The following DDX50 variants were observed in gnomAD, a reference collection of about 807,000 sequenced individuals.
DDX50 encodes the protein ATP-dependent RNA helicase DDX50.
Under a neutral mutation model 94.8 loss-of-function variants are expected in DDX50, and 56 were observed. The observed-to-expected ratio is 0.59, with a 90% confidence interval of 0.48 to 0.74. The LOEUF (loss-of-function observed/expected upper bound fraction) is 0.74, where lower values mean the gene tolerates loss of function less well. Ranked by LOEUF, DDX50 falls within the 30% of genes least tolerant of loss-of-function variation. DDX50 has a pLI of 0.00. For synonymous variants in DDX50, 264 were observed against 295.4 expected (o/e 0.89, Z 1.09); for missense variants, 713 against 881.2 (o/e 0.81, Z 2.42).
chr10:68,937,468 C>CATACCCTAT (rs1564617189), intron 12 of DDX50, among the ~76,000 whole-genome samples: 2 of 151,992 alleles, frequency 1.3e-5, no homozygotes, highest in African/African-American at 4.8e-5. Flanking sequence ...TACATCCGTA[C>CATACCCTAT]ATACCATGTA....
chr10:68,937,537 T>C (rs193210514), intron 12 of DDX50, among the ~76,000 whole-genome samples: 16 of 152,194 alleles, frequency 1.1e-4, no homozygotes, highest in Admixed American at 4.6e-4. Flanking sequence ...CATTTCTTTG[T>C]TTTAGGAACC....
chr10:68,918,425 C>G (rs1318400850), intron 7 of DDX50, among the ~76,000 whole-genome samples: 1 of 140,648 alleles, frequency 7.1e-6, no homozygotes, highest in African/African-American at 2.7e-5. Flanking sequence ...TCTCCATTCC[C>G]TCCTTTTTTT....
At chr10:68,922,234 G>A (rs1157437994) in intron 8 of DDX50, among the ~76,000 whole-genome samples, 3 of 151,856 alleles carry the variant, frequency 2.0e-5, no homozygotes, top group Non-Finnish European at 4.4e-5. Context: ...TGCCCACATG[G>A]GAGTGCAGTG....
chr10:68,928,813 C>A (rs2394497), intron 8 of DDX50, among the ~76,000 whole-genome samples: 142,876 of 152,288 alleles, frequency 0.94, 67,079 homozygotes, highest in East Asian at 0.99. Context: ...AGGGCTAAAT[C>A]ATACATCTAC....
chr10:68,908,854 C>A (rs1011267208), intron 2 of DDX50, among the ~76,000 whole-genome samples: 2 of 152,080 alleles, frequency 1.3e-5, no homozygotes, highest in Non-Finnish European at 2.9e-5. Context: ...CTATGTTGCC[C>A]AGACTGGTCT....
At chr10:68,905,824 A>G (rs1217459778) in intron 1 of DDX50, among the ~76,000 whole-genome samples, 1 of 152,210 alleles carries the variant, frequency 6.6e-6, no homozygotes, top group African/African-American at 2.4e-5. Context: ...GAGGCAGGAG[A>G]ATCACTTGAA....
rs1841457380 is a variant in DDX50 at position 68,906,763 on chromosome 10, CAA to C, written c.141_142del (p.Glu49LysfsTer6). 4 of 1,612,188 alleles carry C rather than the reference CAA, an allele frequency of 2.5e-6. No homozygotes were observed. Among genetic ancestry groups the C allele is most frequent in the Admixed American group, 1.7e-5 (1 of 59,470 alleles). ...TATGACTCGGATGAGAAATCAGAAA[CAA>C]GAGAAAATGGTGTTACAGATGACCT... On this transcript the variant is annotated frameshift_variant, in exon 2 of 15. Coordinates refer to ENST00000373585, the MANE Select transcript of DDX50 (RefSeq NM_024045.2). LOFTEE classifies it high-confidence loss of function.
intron 2 of DDX50, among the ~76,000 whole-genome samples, chr10:68,908,861 G>C (rs1267631583): frequency 6.6e-6 from 1 of 152,056 alleles, no homozygotes; most frequent in Non-Finnish European, 1.5e-5. Flanking sequence ...GCCCAGACTG[G>C]TCTTGAACTC....
intron 2 of DDX50, among the ~76,000 whole-genome samples, chr10:68,908,115 A>C (rs1409652816): frequency 6.6e-6 from 1 of 152,188 alleles, no homozygotes; most frequent in Non-Finnish European, 1.5e-5. Context: ...CAGCTATCCC[A>C]AAGGGTGTAC....
intron 1 of DDX50, among the ~76,000 whole-genome samples, chr10:68,904,531 A>G (rs1841385702): frequency 6.6e-6 from 1 of 152,242 alleles, no homozygotes; most frequent in Non-Finnish European, 1.5e-5. Flanking sequence ...GAGAGGAACC[A>G]TTGAAGAAGA....
chr10:68,934,953 T>C lies in DDX50; in HGVS notation c.1521+35T>C. On this transcript the variant is annotated intron_variant, in intron 10 of 14. Coordinates refer to ENST00000373585, the MANE Select transcript of DDX50 (RefSeq NM_024045.2). This position sits in a 1 kb window ranked among gnomAD's most constrained non-coding sequence, Gnocchi z 4.0. The stretch of plus-strand genomic sequence containing the variant: ...GTTAAATTATTTCAGGCTTATTGTC[T>C]AAATGGTGCCTTAAAAGAGAGCTCT... The C allele has an allele frequency of 6.3e-7, 1 of 1,595,808 alleles. No homozygotes were observed. Among genetic ancestry groups the C allele is most frequent in the Non-Finnish European group, 8.5e-7 (1 of 1,172,326 alleles).
At chr10:68,920,996 T>C (rs1022929530) in intron 8 of DDX50, among the ~76,000 whole-genome samples, 13 of 143,148 alleles carry the variant, frequency 9.1e-5, no homozygotes, top group African/African-American at 3.4e-4. Context: ...TTAAAGAAAA[T>C]GTCAAACATG....
chr10:68,921,951 GTTCT>G (rs1841951406), intron 8 of DDX50, among the ~76,000 whole-genome samples: 2 of 152,036 alleles, frequency 1.3e-5, no homozygotes, highest in South Asian at 4.1e-4. Context: ...TTTTGGTGGT[GTTCT>G]TTGTCAGTTT....
intron 14 of DDX50, among the ~76,000 whole-genome samples, chr10:68,945,479 GTATTTC>G (rs1389755399): frequency 6.6e-6 from 1 of 151,930 alleles, no homozygotes; most frequent in Admixed American, 6.6e-5. Context: ...GCTAATTTTT[GTATTTC>G]TAGTAGAGTT....
chr10:68,946,624 T>C lies in DDX50; in HGVS notation c.2208T>C (p.Phe736=). The C allele has an allele frequency of 6.2e-7, 1 of 1,613,064 alleles. No homozygotes were observed. Among genetic ancestry groups the C allele is most frequent in the Non-Finnish European group, 8.5e-7 (1 of 1,179,554 alleles). Residue 736 remains phenylalanine, a synonymous_variant, in exon 15 of 15, where the codon TTT becomes TTC. Coordinates refer to ENST00000373585, the MANE Select transcript of DDX50 (RefSeq NM_024045.2). ...RSRSGGHKRS[F]D is the part of the protein sequence containing the mutation. ...GAAGTGGGGGCCACAAACGGAGTTT[T>C]GACTGAGTATTTGATAGTTAATCTA... is the stretch of plus-strand genomic sequence containing the variant.
intron 2 of DDX50, 56 bp downstream of exon 2, chr10:68,907,063 GA>G: frequency 1.3e-6 from 2 of 1,509,742 alleles, no homozygotes; most frequent in Non-Finnish European, 1.8e-6. Context: ...AGGTTGATTT[GA>G]ATTTTTTTAG....
At chr10:68,927,365 A>T (rs567368577) in intron 8 of DDX50, among the ~76,000 whole-genome samples, 19 of 152,182 alleles carry the variant, frequency 1.2e-4, no homozygotes, top group Non-Finnish European at 1.9e-4. Flanking sequence ...TTCTTTGGCT[A>T]ACCTTTCCCA....
intron 2 of DDX50, among the ~76,000 whole-genome samples, chr10:68,907,991 A>G (rs1326280367): frequency 1.3e-5 from 2 of 152,342 alleles, no homozygotes; most frequent in East Asian, 3.9e-4. Flanking sequence ...CTGTATGAAT[A>G]AGTACTCTTA....
chr10:68,929,292 C>CCTTCCTTCCTCT (rs1554836333), intron 8 of DDX50, among the ~76,000 whole-genome samples: 12 of 122,630 alleles, frequency 9.8e-5, no homozygotes, highest in African/African-American at 2.8e-4. Flanking sequence ...TTCCTTCCTT[C>CCTTCCTTCCTCT]CTCTCTCTCT....
Sources: allele counts gnomAD v4.1 joint callset (sites outside exome capture counted in the v4.1 genomes callset), GRCh38; gene constraint gnomAD v4.1.1; non-coding constraint Gnocchi (gnomAD v3.1); transcripts MANE v1.5; gene names NCBI Gene and HGNC (gene_info 2026-07-23, HGNC 2026-07-21).